Variants in TMTC1 observed in about 807,000 individuals in gnomAD.
TMTC1 encodes the protein protein O-mannosyl-transferase TMTC1.
A neutral mutation model predicts 104.8 loss-of-function variants in TMTC1; 73 were observed. The observed-to-expected ratio is 0.70, with a 90% confidence interval of 0.58 to 0.85. The LOEUF (loss-of-function observed/expected upper bound fraction) is 0.85, where lower values mean the gene tolerates loss of function less well. Ranked by LOEUF, TMTC1 falls within the 40% of genes least tolerant of loss-of-function variation. TMTC1 has a pLI of 0.00. For synonymous variants in TMTC1, 434 were observed against 428.7 expected (o/e 1.01, Z -0.15); for missense variants, 1,035 against 1,096.1 (o/e 0.94, Z 0.79).
At chr12:29,556,764 G>C in intron 10 of TMTC1, 93 bp downstream of exon 10, 1 of 1,511,738 alleles carries the variant, frequency 6.6e-7, no homozygotes, top group Non-Finnish European at 9.0e-7. Flanking sequence ...GCTCCAGAGA[G>C]AGGCAAGTGC....
At chr12:29,686,774 C>T (rs1056201904) in intron 5 of TMTC1, among the ~76,000 whole-genome samples, 13 of 152,346 alleles carry the variant, frequency 8.5e-5, no homozygotes, top group Admixed American at 3.9e-4. Flanking sequence ...GTCAGACAAT[C>T]ATCTTTGATT....
At chr12:29,533,956 C>T (rs891910027) in intron 11 of TMTC1, 3 of 152,146 alleles carry the variant, frequency 2.0e-5, no homozygotes, top group Non-Finnish European at 4.4e-5. Flanking sequence ...TGACCCACAA[C>T]CACAGTCCGC....
At chr12:29,643,883 A>T (rs1939100708) in intron 5 of TMTC1, among the ~76,000 whole-genome samples, 1 of 88,316 alleles carries the variant, frequency 1.1e-5, no homozygotes, top group African/African-American at 4.2e-5. Context: ...ATATAAATTT[A>T]AATATATATA....
intron 6 of TMTC1, among the ~76,000 whole-genome samples, chr12:29,624,522 T>C (rs1361129093): frequency 6.6e-6 from 1 of 152,174 alleles, no homozygotes; most frequent in African/African-American, 2.4e-5. Flanking sequence ...CCCAGCCCAC[T>C]TGGCTCCAGC....
intron 2 of TMTC1, among the ~76,000 whole-genome samples, chr12:29,767,446 G>C (rs1218942574): frequency 5.9e-5 from 9 of 152,156 alleles, no homozygotes; most frequent in Admixed American, 5.9e-4. Context: ...GGTGAGAAAA[G>C]ATAAAATACA....
intron 7 of TMTC1, among the ~76,000 whole-genome samples, chr12:29,584,748 G>A (rs950974507): frequency 6.6e-6 from 1 of 151,734 alleles, no homozygotes. Flanking sequence ...CTTCATCCAT[G>A]TCCCTACAAA....
chr12:29,585,847 T>C (rs932182426), intron 7 of TMTC1, among the ~76,000 whole-genome samples: 5 of 152,170 alleles, frequency 3.3e-5, no homozygotes, highest in African/African-American at 1.2e-4. Context: ...TGTAGGCTTG[T>C]AGTATAGTTT....
chr12:29,761,870 A>T (rs1318892897), intron 2 of TMTC1, among the ~76,000 whole-genome samples: 1 of 152,182 alleles, frequency 6.6e-6, no homozygotes, highest in Non-Finnish European at 1.5e-5. Context: ...TGCAGTCATG[A>T]AGGAGAAGCA....
At chr12:29,554,623 C>T (rs1945190404) in intron 10 of TMTC1, among the ~76,000 whole-genome samples, 1 of 152,082 alleles carries the variant, frequency 6.6e-6, no homozygotes, top group African/African-American at 2.4e-5. Flanking sequence ...AATCCCGGTA[C>T]TTTGGGAGGC....
Position 29,783,472 on chromosome 12 carries a change from G to T in TMTC1, c.280C>A (p.Pro94Thr). Reference protein sequence around the residue: ...AENTSHKSYRPLCVLTFKLNI... With the variant: ...AENTSHKSYRTLCVLTFKLNI... ...CACTTGAAGGTGAGGACGCAGAGCG[G>T]CCGGTAGGACTTGTGGCTGGTGTTC... Residue 94 changes from proline (P) to threonine (T), a missense_variant, in exon 1 of 18, where the codon CCG becomes ACG. Physicochemically the swap from Pro to Thr is conservative, Grantham distance 38. Coordinates refer to ENST00000539277, the MANE Select transcript of TMTC1 (RefSeq NM_001193451.2). This position sits in a 1 kb window ranked among gnomAD's most constrained non-coding sequence, Gnocchi z 4.7. 1 of 1,346,700 alleles carries T rather than the reference G, an allele frequency of 7.4e-7. No individual in the cohort carries two copies. The highest frequency in any genetic ancestry group is 1.8e-5 in the South Asian group (1 of 55,852). 83.4% of individuals were successfully genotyped at this position (1,346,700 alleles called of 1,614,324 possible). A position where few individuals can be genotyped will look rare whatever the true frequency, so the allele number is the denominator to read the frequency against.
intron 10 of TMTC1, among the ~76,000 whole-genome samples, chr12:29,538,654 A>G (rs1592196250): frequency 6.6e-6 from 1 of 152,196 alleles, no homozygotes; most frequent in East Asian, 1.9e-4. Flanking sequence ...ATGACCATTC[A>G]GTACAGTCTA....
intron 5 of TMTC1, among the ~76,000 whole-genome samples, chr12:29,685,490 C>T (rs1941063629): frequency 6.6e-6 from 1 of 151,880 alleles, no homozygotes; most frequent in African/African-American, 2.4e-5. Flanking sequence ...TTAACCTTAG[C>T]TTAAAAAGAC....
chr12:29,596,181 A>G (rs1476516678), intron 7 of TMTC1, among the ~76,000 whole-genome samples: 1 of 151,954 alleles, frequency 6.6e-6, no homozygotes, highest in Non-Finnish European at 1.5e-5. Context: ...TAATTTTTGT[A>G]CTTTTAGTAG....
chr12:29,688,209 C>T (rs1355695242), intron 5 of TMTC1, among the ~76,000 whole-genome samples: 2 of 152,108 alleles, frequency 1.3e-5, no homozygotes, highest in Admixed American at 1.3e-4. Context: ...AAGGATGTAA[C>T]CATGCTTTTC....
chr12:29,659,992 A>C, intron 5 of TMTC1: 2 of 1,530,876 alleles, frequency 1.3e-6, no homozygotes, highest in Admixed American at 4.0e-5. Context: ...ACCTTCAGAA[A>C]ATAAGAAGAT....
chr12:29,541,751 C>T (rs1944805179), intron 10 of TMTC1, among the ~76,000 whole-genome samples: 2 of 151,378 alleles, frequency 1.3e-5, no homozygotes, highest in Non-Finnish European at 2.9e-5. Flanking sequence ...CTCCGCCTCC[C>T]AGGTTCAAGC....
intron 6 of TMTC1, among the ~76,000 whole-genome samples, chr12:29,610,723 G>C (rs778240976): frequency 2.0e-5 from 3 of 152,194 alleles, no homozygotes; most frequent in Non-Finnish European, 4.4e-5. Context: ...CTTGTGACAT[G>C]AGCACAACCC....
intron 1 of TMTC1, among the ~76,000 whole-genome samples, chr12:29,779,938 T>C (rs912223235): frequency 2.2e-4 from 34 of 152,314 alleles, no homozygotes; most frequent in Admixed American, 1.4e-3. Flanking sequence ...AATGGTAAAT[T>C]AATGAGGTAC....
At chr12:29,648,171 T>C (rs1413914486) in intron 5 of TMTC1, among the ~76,000 whole-genome samples, 1 of 152,198 alleles carries the variant, frequency 6.6e-6, no homozygotes, top group Non-Finnish European at 1.5e-5. Context: ...TCCATCACTT[T>C]TCAAATGCAA....
Sources: gnomAD v4.1 joint callset for allele counts (sites outside exome capture counted in the v4.1 genomes callset) on GRCh38, gnomAD v4.1.1 for gene constraint, Gnocchi (gnomAD v3.1) non-coding constraint, MANE v1.5 for transcripts, NCBI Gene and HGNC (gene_info 2026-07-23, HGNC 2026-07-21) for gene names.